MAK: variants seen among roughly 807,000 people sequenced by gnomAD.
MAK encodes the protein male germ cell associated kinase, also known as serine/threonine-protein kinase MAK.
A neutral mutation model predicts 82.6 loss-of-function variants in MAK; 65 were observed. That is an observed-to-expected ratio of 0.79 (90% CI 0.64 to 0.97). The LOEUF is 0.97. Ranked by LOEUF, MAK falls within the 50% of genes least tolerant of loss-of-function variation. The probability of loss-of-function intolerance (pLI) is 0.00; values close to 1 mark genes in which losing one functional copy is unlikely to be tolerated. For synonymous variants in MAK, 250 were observed against 274.2 expected, an observed-to-expected ratio of 0.91 and a Z score of 0.87; for missense variants, 703 against 780.2, an observed-to-expected ratio of 0.90 and a Z score of 1.18.
chr6:10,822,299 C>T (rs912373089), intron 2 of MAK, among the ~76,000 whole-genome samples: 1 of 151,126 alleles, frequency 6.6e-6, no homozygotes, highest in Non-Finnish European at 1.5e-5. Flanking sequence ...ACTAAAAATA[C>T]AAAAATGAGC....
At chr6:10,836,322 T>C (rs775597291) in intron 1 of MAK, among the ~76,000 whole-genome samples, 3 of 152,158 alleles carry the variant, frequency 2.0e-5, no homozygotes, top group African/African-American at 4.8e-5. Flanking sequence ...AGAAAAAACT[T>C]TGGAAAGGCT....
At chr6:10,778,100 TA>T (rs1227891941) in intron 11 of MAK, among the ~76,000 whole-genome samples, 3 of 152,234 alleles carry the variant, frequency 2.0e-5, no homozygotes, top group African/African-American at 7.2e-5. Context: ...TAGATGTCAT[TA>T]CATGATGATA....
In MAK at chr6:10,812,156, C is replaced by T. The variant is rs551554017; in HGVS notation, c.358+1488G>A. On this transcript the variant is annotated intron_variant, in intron 5 of 14. Transcript: ENST00000354489. ...TGGAGGCTGCAGTGAGCCATGATGG[C>T]ACCACTGCACTCCAGCCTGGGCATC... Among the ~76,000 whole-genome samples, 3 of 152,184 alleles carry T rather than the reference C, an allele frequency of 2.0e-5. 1 individual carries two copies. The South Asian group carries it at 6.2e-4, about 32-fold the overall frequency.
At chr6:10,812,828 A>G (rs1353104479) in intron 5 of MAK, among the ~76,000 whole-genome samples, 2 of 151,534 alleles carry the variant, frequency 1.3e-5, no homozygotes, top group African/African-American at 4.8e-5. Flanking sequence ...CAATGCCACA[A>G]TATCAGCTCA....
intron 2 of MAK, among the ~76,000 whole-genome samples, chr6:10,826,178 A>G (rs6907754): frequency 0.018 from 2,698 of 151,804 alleles, 80 homozygotes; most frequent in African/African-American, 0.055. Flanking sequence ...TTAGGCCCTC[A>G]CACACTCTCT....
intron 14 of MAK, among the ~76,000 whole-genome samples, chr6:10,765,466 T>C (rs2127502558): frequency 2.7e-5 from 2 of 75,152 alleles, no homozygotes; most frequent in African/African-American, 9.2e-5. Context: ...TTTTTTTTTT[T>C]TTTTTTTAAT....
chr6:10,796,041 G>A lies in MAK; in HGVS notation c.1100C>T (p.Pro367Leu), dbSNP rs776680313. The stretch of plus-strand genomic sequence containing the variant: ...GATGCTCGGGAATAGCGTTTGTGGC[G>A]GTTTCTCCTGACTCTGTTGCTTTGG... ...QPPKQQSQEK[P>L]PQTLFPSIVK... is the part of the protein sequence containing the mutation. The change falls in exon 9 of 15, where the codon CCG becomes CTG. Residue 367 changes from proline to leucine, a missense_variant. By Grantham distance (98) the Pro-to-Leu change is moderately conservative. Coordinates refer to ENST00000354489, the MANE Select transcript of MAK (RefSeq NM_001242957.3). 8.7e-6 allele frequency: 14 copies of A among 1,613,962 alleles called. No individual in the cohort carries two copies. The highest frequency in any genetic ancestry group is 6.7e-5 in the East Asian group (3 of 44,890).
intron 11 of MAK, among the ~76,000 whole-genome samples, chr6:10,778,797 G>A (rs1285684666): frequency 6.6e-6 from 1 of 152,066 alleles, no homozygotes; most frequent in African/African-American, 2.4e-5. Context: ...GGTGAATAAT[G>A]AATGGGAAGA....
At position 10,800,566 on chromosome 6, in the gene MAK, G is replaced by A. The variant is rs929364260; in HGVS notation, c.831+1326C>T. Among the ~76,000 whole-genome samples, 2 of 151,722 alleles carry A rather than the reference G, an allele frequency of 1.3e-5. No homozygotes were observed. The highest frequency in any genetic ancestry group is 6.6e-5 in the Admixed American group (1 of 15,216). The stretch of plus-strand genomic sequence containing the variant: ...TTTGAAAATGTAATCCTGGTCGGGC[G>A]CGGTGGCTCACACCTGTAATCCCAG... On this transcript the variant is annotated intron_variant, in intron 8 of 14. Coordinates refer to ENST00000354489, the MANE Select transcript of MAK (RefSeq NM_001242957.3). The surrounding 1 kb of genome is among the most constrained non-coding windows in gnomAD (Gnocchi z 4.2).
At chr6:10,837,750 C>G (rs1472408350) in intron 1 of MAK, among the ~76,000 whole-genome samples, 2 of 152,204 alleles carry the variant, frequency 1.3e-5, no homozygotes, top group Admixed American at 6.5e-5. Flanking sequence ...CTCTCGACAC[C>G]GCACTCTCGA....
chr6:10,824,358 G>A (rs767384978), intron 2 of MAK, among the ~76,000 whole-genome samples: 4 of 152,076 alleles, frequency 2.6e-5, no homozygotes, highest in Admixed American at 6.6e-5. Flanking sequence ...TTTCACCGTC[G>A]CTACCCTCAA....
intron 8 of MAK, among the ~76,000 whole-genome samples, chr6:10,801,518 G>T (rs1379551471): frequency 6.6e-6 from 1 of 152,206 alleles, no homozygotes; most frequent in Non-Finnish European, 1.5e-5. Context: ...AAACTGTAAA[G>T]GCAGCATAGG....
At chr6:10,805,403 T>C (rs1390101100) in intron 6 of MAK, among the ~76,000 whole-genome samples, 1 of 151,902 alleles carries the variant, frequency 6.6e-6, no homozygotes, top group Non-Finnish European at 1.5e-5. Flanking sequence ...CTGGCCAACA[T>C]GGTGAAACCC....
At chr6:10,764,725 T>C in intron 14 of MAK, 119 bp from the exon 15 acceptor site, 1 of 1,000,764 alleles carries the variant, frequency 1.0e-6, no homozygotes, top group Non-Finnish European at 1.6e-6. Flanking sequence ...AAAGATTAAC[T>C]CAGTACTCTC....
rs1438218631 is a variant in MAK, at chr6:10,793,029, A to C, written c.1144-1182T>G. 1.3e-5 allele frequency among the ~76,000 whole-genome samples: 2 copies of C among 151,420 alleles called. No individual in the cohort carries two copies. The highest frequency in any genetic ancestry group is 6.6e-5 in the Admixed American group (1 of 15,116). On this transcript the variant is annotated intron_variant, in intron 9 of 14. Coordinates refer to ENST00000354489, the MANE Select transcript of MAK (RefSeq NM_001242957.3). The surrounding 1 kb of genome is among the most constrained non-coding windows in gnomAD (Gnocchi z 4.6). ...GCAAGAATCTGGTATGGCTGAGAAG[A>C]CTGGAAAGGGGCAAATATAATACTT...
intron 2 of MAK, among the ~76,000 whole-genome samples, chr6:10,819,435 T>G (rs1581752539): frequency 6.6e-6 from 1 of 151,966 alleles, no homozygotes; most frequent in Non-Finnish European, 1.5e-5. Flanking sequence ...TTCAAGACCA[T>G]CCTGGCTAAC....
At chr6:10,828,795 GA>G (rs1490555313) in intron 2 of MAK, among the ~76,000 whole-genome samples, 1 of 151,294 alleles carries the variant, frequency 6.6e-6, no homozygotes, top group Non-Finnish European at 1.5e-5. Flanking sequence ...ACCCTGTCTT[GA>G]AAAAAAAGAG....
At position 10,800,749 on chromosome 6, in the gene MAK, A is replaced by G. The variant is rs1258524926; in HGVS notation, c.831+1143T>C. ...AGCTACTCGGGAGGCTGAGGGTGGG[A>G]GAATCACTTGAACCCAGGAGGCAGA... On this transcript the variant is annotated intron_variant, in intron 8 of 14. Coordinates refer to ENST00000354489, the MANE Select transcript of MAK (RefSeq NM_001242957.3). This position sits in a 1 kb window ranked among gnomAD's most constrained non-coding sequence, Gnocchi z 4.2. 6.6e-6 allele frequency among the ~76,000 whole-genome samples: 1 copy of G among 152,102 alleles called. No homozygotes were observed. Among genetic ancestry groups the G allele is most frequent in the Non-Finnish European group, 1.5e-5 (1 of 68,008 alleles).
At chr6:10,798,267 A>G (rs1000448565) in intron 8 of MAK, among the ~76,000 whole-genome samples, 2 of 152,030 alleles carry the variant, frequency 1.3e-5, no homozygotes, top group Admixed American at 1.3e-4. Context: ...GGCACACGCC[A>G]CCATGCCCAG....
Sources: allele counts gnomAD v4.1 joint callset (sites outside exome capture counted in the v4.1 genomes callset), GRCh38; gene constraint gnomAD v4.1.1; non-coding constraint Gnocchi (gnomAD v3.1); transcripts MANE v1.5; gene names NCBI Gene and HGNC (gene_info 2026-07-23, HGNC 2026-07-21).